The following PRXL2A variants were observed in gnomAD, a reference collection of about 807,000 sequenced individuals.
The protein encoded by PRXL2A is peroxiredoxin-like 2A.
Under a neutral mutation model 25.6 loss-of-function variants are expected in PRXL2A, and 26 were observed. That is an observed-to-expected ratio of 1.02 (90% CI 0.74 to 1.41). The LOEUF is 1.41. PRXL2A is among the 40% of genes most tolerant of loss of function. The pLI is 0.00. For synonymous variants in PRXL2A, 98 were observed against 102.9 expected (o/e 0.95, Z 0.29); for missense variants, 246 against 273.9 (o/e 0.90, Z 0.72).
At chr10:80,409,073 G>A (rs773936339) in intron 1 of PRXL2A, 4 of 985,372 alleles carry the variant, frequency 4.1e-6, no homozygotes, top group Non-Finnish European at 4.8e-6. Flanking sequence ...CCCCAGGTGC[G>A]GACCTGGCAG....
Position 80,425,772 on chromosome 10 carries a change from C to T in PRXL2A, c.271-94C>T, listed in dbSNP as rs762325033. 5 of 1,505,426 alleles carry T rather than the reference C, an allele frequency of 3.3e-6. No individual in the cohort carries two copies. The African/African-American group carries it at 6.9e-5, about 21-fold the overall frequency. The allele number at this position is 1,505,426 out of a possible 1,614,324, so 93.3% of individuals were successfully genotyped here. On this transcript the variant is annotated intron_variant, in intron 3 of 5. Coordinates refer to ENST00000606162, the MANE Select transcript of PRXL2A (RefSeq NM_032333.5). ...TGCCTCTGCTTTCCACTGGAGAAGACAAGGAGCCTGGGCTGCAGAGGGAAC... is the reference window on the plus strand; with the variant it reads ...TGCCTCTGCTTTCCACTGGAGAAGATAAGGAGCCTGGGCTGCAGAGGGAAC...
Position 80,425,850 on chromosome 10 carries a change from C to T in PRXL2A, c.271-16C>T. 6.2e-7 allele frequency: 1 copy of T among 1,614,154 alleles called. No individual in the cohort carries two copies. Among genetic ancestry groups the T allele is most frequent in the Non-Finnish European group, 8.5e-7 (1 of 1,180,006 alleles). ...CAGCTGGGACAGATGTCCCTGAACC[C>T]TTGTGTCTTCTACAGGAAGCTGCGG... On this transcript the variant is annotated splice_polypyrimidine_tract_variant and intron_variant, in intron 3 of 5. Coordinates refer to ENST00000606162, the MANE Select transcript of PRXL2A (RefSeq NM_032333.5).
intron 3 of PRXL2A, among the ~76,000 whole-genome samples, chr10:80,425,569 GAGAA>G (rs750692500): frequency 1.3e-5 from 2 of 152,244 alleles, no homozygotes; most frequent in Admixed American, 1.3e-4. Flanking sequence ...GAGCTGAAGA[GAGAA>G]GGAAGGTTAT....
rs568256388 is a variant in PRXL2A, at chr10:80,424,188, C to T, written c.271-1678C>T. On this transcript the variant is annotated intron_variant, in intron 3 of 5. Transcript: ENST00000606162. ...GGCAATCTGAGTTATTTTGAGTGGC[C>T]CAACTAGGAGGTATGTGACTCAGTT... 2.6e-5 allele frequency among the ~76,000 whole-genome samples: 4 copies of T among 151,994 alleles called. No homozygotes were observed. In the South Asian group the frequency reaches 8.3e-4, roughly 32 times the overall value.
At position 80,426,023 on chromosome 10, in the gene PRXL2A, G is replaced by A. The variant is rs764944371; in HGVS notation, c.411+17G>A. 1 of 1,614,036 alleles carries A rather than the reference G, an allele frequency of 6.2e-7. No homozygotes were observed. Among genetic ancestry groups the A allele is most frequent in the Admixed American group, 1.7e-5 (1 of 60,024 alleles). On this transcript the variant is annotated intron_variant, in intron 4 of 5. Coordinates refer to ENST00000606162, the MANE Select transcript of PRXL2A (RefSeq NM_032333.5). The stretch of plus-strand genomic sequence containing the variant: ...GATGAAAAGGTGTGTGTGATGGGAG[G>A]CTTTTAGACACAGACTGCTGGGGAT...
chr10:80,429,373 C>T (rs897654656), intron 5 of PRXL2A, among the ~76,000 whole-genome samples: 1 of 152,216 alleles, frequency 6.6e-6, no homozygotes, highest in East Asian at 1.9e-4. Context: ...TTCCTCACAA[C>T]CAGTCTAGGA....
intron 5 of PRXL2A, among the ~76,000 whole-genome samples, 163 bp from the exon 6 acceptor site, chr10:80,431,823 T>C (rs1845272685): frequency 6.6e-6 from 1 of 152,160 alleles, no homozygotes; most frequent in South Asian, 2.1e-4. Context: ...CGGTCTATCT[T>C]CCCTCAAAGA....
chr10:80,415,932 T>C (rs1439295651), intron 1 of PRXL2A, among the ~76,000 whole-genome samples: 2 of 152,180 alleles, frequency 1.3e-5, no homozygotes, highest in African/African-American at 4.8e-5. Flanking sequence ...AGTCCATTTG[T>C]GGGATAGATG....
chr10:80,411,232 T>A (rs1005197503), intron 1 of PRXL2A, among the ~76,000 whole-genome samples: 1 of 152,220 alleles, frequency 6.6e-6, no homozygotes. Flanking sequence ...AGGTGCAGAA[T>A]GGCTTCTCAG....
Position 80,420,516 on chromosome 10 carries a change from ATTGGTGCAGG to A in PRXL2A, c.50_59del (p.Ile17LysfsTer33). 16 of 1,611,920 alleles carry A rather than the reference ATTGGTGCAGG, an allele frequency of 9.9e-6. No individual in the cohort carries two copies. The highest frequency in any genetic ancestry group is 1.2e-5 in the Non-Finnish European group (14 of 1,178,810). On this transcript the variant is annotated frameshift_variant, in exon 2 of 6. Coordinates refer to ENST00000606162, the MANE Select transcript of PRXL2A (RefSeq NM_032333.5). LOFTEE classifies it high-confidence loss of function. ...TTTCTTCACCATGGGGATGTGGTCCATTGGTGCAGGAGCCCTGGGGGCTGCTGCCTTGGCA... is the reference window on the plus strand; with the variant it reads ...TTTCTTCACCATGGGGATGTGGTCCAAGCCCTGGGGGCTGCTGCCTTGGCA...
chr10:80,430,992 G>C (rs574542319), intron 5 of PRXL2A, among the ~76,000 whole-genome samples: 1 of 152,178 alleles, frequency 6.6e-6, no homozygotes, highest in African/African-American at 2.4e-5. Context: ...CAGCCTCCCA[G>C]GTTCAAGGGA....
At chr10:80,419,058 T>C (rs886770465) in intron 1 of PRXL2A, among the ~76,000 whole-genome samples, 5 of 152,150 alleles carry the variant, frequency 3.3e-5, no homozygotes, top group African/African-American at 1.2e-4. Context: ...CAATCTCAGC[T>C]CACTGCAACC....
chr10:80,420,701 T>C, intron 2 of PRXL2A, 56 bp downstream of exon 2: 3 of 1,283,022 alleles, frequency 2.3e-6, no homozygotes, highest in Non-Finnish European at 3.1e-6. Flanking sequence ...GATACAGGCT[T>C]ACTGCTTTCT....
chr10:80,420,661 TC>T lies in PRXL2A; in HGVS notation c.178+17del. On this transcript the variant is annotated intron_variant, in intron 2 of 5. Transcript: ENST00000606162. ...CTGGAGAAGGGTAAGTGGTGACCCTTCAGGTCTCAGTACTTTTCCAAGGAGC... is the reference window on the plus strand; with the variant it reads ...CTGGAGAAGGGTAAGTGGTGACCCTTAGGTCTCAGTACTTTTCCAAGGAGC... The T allele has an allele frequency of 1.3e-6, 2 of 1,553,632 alleles. No individual in the cohort carries two copies. Among genetic ancestry groups the T allele is most frequent in the South Asian group, 1.2e-5 (1 of 81,906 alleles).
chr10:80,416,363 C>T (rs558366895), intron 1 of PRXL2A, among the ~76,000 whole-genome samples: 5 of 152,212 alleles, frequency 3.3e-5, no homozygotes, highest in African/African-American at 4.8e-5. Flanking sequence ...CAGAGATAAA[C>T]TGCAGAATGT....
intron 1 of PRXL2A, chr10:80,409,109 T>C: frequency 1.0e-6 from 1 of 983,010 alleles, no homozygotes; most frequent in Non-Finnish European, 1.2e-6. Flanking sequence ...CTGTGCCCGC[T>C]TAGGGTCGTG....
chr10:80,417,662 T>C (rs890623849), intron 1 of PRXL2A, among the ~76,000 whole-genome samples: 2 of 152,160 alleles, frequency 1.3e-5, no homozygotes, highest in Admixed American at 1.3e-4. Flanking sequence ...TTCCCAAGTA[T>C]ATAGATGCCA....
chr10:80,430,419 A>G (rs1845212909), intron 5 of PRXL2A, among the ~76,000 whole-genome samples: 1 of 152,084 alleles, frequency 6.6e-6, no homozygotes, highest in African/African-American at 2.4e-5. Flanking sequence ...TCTTTTTAAT[A>G]ATAATCTTGA....
chr10:80,425,891 A>G lies in PRXL2A; in HGVS notation c.296A>G (p.Lys99Arg), dbSNP rs1286069608. ...GAAGCTGCGGATCTGTCCTCCCTGA[A>G]AAGCATGTTGGACCAGCTGGGCGTC... Reference protein sequence around the residue: ...REEAADLSSLKSMLDQLGVPL... With the variant: ...REEAADLSSLRSMLDQLGVPL... Residue 99 changes from lysine (K) to arginine (R), a missense_variant, in exon 4 of 6, where the codon AAA becomes AGA. By Grantham distance (26) the Lys-to-Arg change is conservative (BLOSUM62 2). Coordinates refer to ENST00000606162, the MANE Select transcript of PRXL2A (RefSeq NM_032333.5). 1.2e-6 allele frequency: 2 copies of G among 1,614,258 alleles called. No homozygotes were observed. Among genetic ancestry groups the G allele is most frequent in the Non-Finnish European group, 1.7e-6 (2 of 1,180,046 alleles).
Sources: allele counts gnomAD v4.1 joint callset (sites outside exome capture counted in the v4.1 genomes callset), GRCh38; gene constraint gnomAD v4.1.1; transcripts MANE v1.5; gene names NCBI Gene and HGNC (gene_info 2026-07-23, HGNC 2026-07-21).